The following PTPRD variants were observed in gnomAD, a reference collection of about 807,000 sequenced individuals.
PTPRD encodes the protein protein tyrosine phosphatase receptor type D, also known as receptor-type tyrosine-protein phosphatase delta.
Under a neutral mutation model 214.5 loss-of-function variants are expected in PTPRD, and 34 were observed. The observed-to-expected ratio is 0.16, with a 90% CI of 0.12 to 0.21. The LOEUF is 0.21. Ranked by LOEUF, PTPRD falls within the 10% of genes least tolerant of loss-of-function variation. PTPRD has a pLI of 1.00. For synonymous variants in PTPRD, 1,128 were observed against 845.7 expected, an observed-to-expected ratio of 1.33 and a Z score of -5.79; for missense variants, 2,545 against 2,398.7, an observed-to-expected ratio of 1.06 and a Z score of -1.27.
intron 5 of PTPRD, among the ~76,000 whole-genome samples, chr9:9,839,966 T>A (rs575323499): frequency 6.6e-6 from 1 of 152,056 alleles, no homozygotes; most frequent in Admixed American, 6.6e-5. Context: ...GTACTAAAAA[T>A]AACGAAAAGT....
At chr9:9,674,866 A>C (rs1037419940) in intron 7 of PTPRD, among the ~76,000 whole-genome samples, 1 of 151,898 alleles carries the variant, frequency 6.6e-6, no homozygotes, top group African/African-American at 2.4e-5. Context: ...GAGGATTGTG[A>C]AGTTAATCAC....
chr9:8,656,065 T>C (rs1212900465), intron 12 of PTPRD, among the ~76,000 whole-genome samples: 2 of 152,182 alleles, frequency 1.3e-5, no homozygotes, highest in East Asian at 1.9e-4. Flanking sequence ...ATCAGACTCC[T>C]AGCCTTTTAT....
intron 12 of PTPRD, among the ~76,000 whole-genome samples, chr9:8,671,357 T>C (rs2097282197): frequency 6.6e-6 from 1 of 152,092 alleles, no homozygotes; most frequent in Admixed American, 6.6e-5. Context: ...TGAAAAGGTG[T>C]TTTGGAAAAG....
At chr9:8,942,355 G>C (rs1328140537) in intron 11 of PTPRD, among the ~76,000 whole-genome samples, 1 of 152,148 alleles carries the variant, frequency 6.6e-6, no homozygotes, top group African/African-American at 2.4e-5. Flanking sequence ...CAGTTCCACT[G>C]CTTCCCGTTT....
At chr9:9,408,305 T>C (rs2074248768) in intron 8 of PTPRD, among the ~76,000 whole-genome samples, 2 of 151,714 alleles carry the variant, frequency 1.3e-5, no homozygotes, top group Non-Finnish European at 3.0e-5. Flanking sequence ...ACCAGAGAAA[T>C]CTAAAACAAA....
intron 2 of PTPRD, among the ~76,000 whole-genome samples, chr9:10,407,428 A>C (rs1307371946): frequency 6.6e-6 from 1 of 151,566 alleles, no homozygotes; most frequent in Non-Finnish European, 1.5e-5. Context: ...ATGTATTCTA[A>C]GTATGAGATT....
At chr9:8,764,077 C>T (rs1336023766) in intron 11 of PTPRD, among the ~76,000 whole-genome samples, 1 of 152,020 alleles carries the variant, frequency 6.6e-6, no homozygotes, top group Non-Finnish European at 1.5e-5. Flanking sequence ...AAATGTGAAA[C>T]CATTTGCAGT....
chr9:9,177,204 G>C (rs980377143), intron 10 of PTPRD, among the ~76,000 whole-genome samples: 10 of 151,916 alleles, frequency 6.6e-5, no homozygotes, highest in African/African-American at 2.4e-4. Flanking sequence ...CCTAGTGAAG[G>C]GAAAACAGCC....
intron 8 of PTPRD, among the ~76,000 whole-genome samples, chr9:9,522,928 GATTT>G (rs1221996740): frequency 2.6e-5 from 4 of 152,120 alleles, no homozygotes; most frequent in African/African-American, 9.7e-5. Context: ...TTGCACAGAA[GATTT>G]GACAGGGAAG....
At chr9:8,600,384 G>A (rs543256468) in intron 14 of PTPRD, among the ~76,000 whole-genome samples, 3 of 152,194 alleles carry the variant, frequency 2.0e-5, no homozygotes, top group South Asian at 4.2e-4. Flanking sequence ...CTGGGCTCAC[G>A]GCCAGTGGAC....
At chr9:9,174,679 A>C (rs539595495) in intron 10 of PTPRD, among the ~76,000 whole-genome samples, 1 of 152,340 alleles carries the variant, frequency 6.6e-6, no homozygotes, top group Admixed American at 6.5e-5. Flanking sequence ...TTATTTAATA[A>C]CTATAGTGAT....
intron 7 of PTPRD, among the ~76,000 whole-genome samples, chr9:9,647,376 T>A (rs565514089): frequency 1.2e-5 from 1 of 80,426 alleles, no homozygotes; most frequent in Non-Finnish European, 3.8e-5. Context: ...GGATAATTTG[T>A]TTTTTTATGC....
At chr9:9,489,553 A>C (rs1013309273) in intron 8 of PTPRD, among the ~76,000 whole-genome samples, 1 of 152,172 alleles carries the variant, frequency 6.6e-6, no homozygotes, top group African/African-American at 2.4e-5. Flanking sequence ...GGTGATATTG[A>C]TTTAGAGCTA....
chr9:9,782,937 T>C (rs192727656), intron 5 of PTPRD, among the ~76,000 whole-genome samples: 1 of 152,192 alleles, frequency 6.6e-6, no homozygotes, highest in African/African-American at 2.4e-5. Context: ...ACTTATTTTG[T>C]ATTTTAAGAT....
At chr9:9,380,323 G>C (rs2061846985) in intron 9 of PTPRD, among the ~76,000 whole-genome samples, 11 of 151,788 alleles carry the variant, frequency 7.2e-5, no homozygotes, top group Admixed American at 7.2e-4. Context: ...TTTCTTCTTT[G>C]ACCTGTGTGT....
intron 3 of PTPRD, among the ~76,000 whole-genome samples, chr9:10,266,531 G>T (rs2154379475): frequency 6.6e-6 from 1 of 152,230 alleles, no homozygotes; most frequent in East Asian, 1.9e-4. Context: ...TATCTTGAAA[G>T]AAATCCGGTT....
chr9:9,760,653 C>CAG (rs1565055400), intron 6 of PTPRD, among the ~76,000 whole-genome samples: 4 of 61,330 alleles, frequency 6.5e-5, no homozygotes, highest in African/African-American at 2.4e-4. Context: ...CACACACACA[C>CAG]ATATATATAT....
intron 8 of PTPRD, among the ~76,000 whole-genome samples, chr9:9,473,853 T>C (rs956110692): frequency 6.6e-6 from 1 of 151,970 alleles, no homozygotes; most frequent in Non-Finnish European, 1.5e-5. Context: ...TTAAATTTCT[T>C]ATATATTCTG....
At chr9:9,399,699 T>C (rs749545720) in intron 8 of PTPRD, among the ~76,000 whole-genome samples, 2 of 152,040 alleles carry the variant, frequency 1.3e-5, no homozygotes, top group African/African-American at 4.8e-5. Context: ...TCATGAGATC[T>C]GATGATTTTA....
Sources: allele counts gnomAD v4.1 joint callset (sites outside exome capture counted in the v4.1 genomes callset), GRCh38; gene constraint gnomAD v4.1.1; transcripts MANE v1.5; gene names NCBI Gene and HGNC (gene_info 2026-07-23, HGNC 2026-07-21).